The following TTC29 variants were observed in gnomAD, a reference collection of about 807,000 sequenced individuals.
TTC29 encodes the protein tetratricopeptide repeat domain 29, also known as tetratricopeptide repeat protein 29.
A neutral mutation model predicts 58.1 loss-of-function variants in TTC29; 49 were observed. The observed-to-expected ratio is 0.84, with a 90% CI of 0.67 to 1.07. The LOEUF (loss-of-function observed/expected upper bound fraction) is 1.07. Among genes scored for constraint, TTC29 ranks in the 50% least tolerant of loss-of-function variants. The probability of loss-of-function intolerance (pLI) is 0.00; values close to 1 mark genes in which losing one functional copy is unlikely to be tolerated. For missense variants in TTC29, 582 were observed against 555.6 expected, an observed-to-expected ratio of 1.05 and a Z score of -0.48; for synonymous variants, 209 against 196.8, an observed-to-expected ratio of 1.06 and a Z score of -0.52.
At chr4:146,783,302 T>G (rs376515385) in intron 11 of TTC29, among the ~76,000 whole-genome samples, 9 of 152,012 alleles carry the variant, frequency 5.9e-5, no homozygotes, top group African/African-American at 2.2e-4. Context: ...GTCTCTTGTT[T>G]AGCTTCCTAG....
intron 10 of TTC29, among the ~76,000 whole-genome samples, chr4:146,811,901 A>T (rs921951606): frequency 2.0e-5 from 3 of 152,182 alleles, no homozygotes; most frequent in Non-Finnish European, 4.4e-5. Context: ...TATTCAAATG[A>T]TTCATTTCAA....
intron 5 of TTC29, among the ~76,000 whole-genome samples, chr4:146,906,136 C>A (rs1229466423): frequency 1.3e-5 from 2 of 151,480 alleles, no homozygotes; most frequent in Non-Finnish European, 1.5e-5. Context: ...GATGGCACAG[C>A]AATGATTCAT....
chr4:146,753,295 G>A (rs1746164575), intron 11 of TTC29, among the ~76,000 whole-genome samples: 1 of 152,146 alleles, frequency 6.6e-6, no homozygotes, highest in Admixed American at 6.5e-5. Flanking sequence ...AAAAACACAT[G>A]AAAAAATGCT....
intron 11 of TTC29, among the ~76,000 whole-genome samples, chr4:146,757,239 A>T (rs1411561736): frequency 6.6e-6 from 1 of 151,428 alleles, no homozygotes; most frequent in Non-Finnish European, 1.5e-5. Flanking sequence ...CCCTTGATGT[A>T]GTACTCTCCC....
rs199560439 is a variant in TTC29 at position 146,707,553 on chromosome 4, T to TA, written c.1331-3dup. 3.4e-3 allele frequency: 4,746 copies of TA among 1,402,522 alleles called. 2 individuals are homozygous for TA. The highest frequency in any genetic ancestry group is 8.8e-3 in the African/African-American group (604 of 68,498). 86.9% of individuals were successfully genotyped at this position (1,402,522 alleles called of 1,614,324 possible). ...CCACTGTGGATCCTCTAAACTCTTC[T>TA]AAAAAAAAAATACACAAAGTTAATA... is the stretch of plus-strand genomic sequence containing the variant. On this transcript the variant is annotated splice_region_variant and splice_polypyrimidine_tract_variant and intron_variant, in intron 11 of 12. Coordinates refer to ENST00000325106, the MANE Select transcript of TTC29 (RefSeq NM_031956.4).
intron 10 of TTC29, among the ~76,000 whole-genome samples, chr4:146,805,997 A>G (rs111780210): frequency 0.062 from 9,502 of 152,270 alleles, 393 homozygotes; most frequent in Admixed American, 0.13. Context: ...AGGTCGGGTT[A>G]CCCACAAAGG....
intron 11 of TTC29, among the ~76,000 whole-genome samples, chr4:146,752,879 T>C (rs1273584138): frequency 6.6e-6 from 1 of 152,202 alleles, no homozygotes; most frequent in Admixed American, 6.5e-5. Context: ...ATCCCTTCCT[T>C]ATACCTTATA....
In TTC29 at chr4:146,908,434, C is replaced by T. The variant is rs565546834; in HGVS notation, c.400+592G>A. ...AAATATTTAATACTTGGAATGTATA[C>T]TAACTTTCTGGAAAATTTTGAAATA... On this transcript the variant is annotated intron_variant, in intron 5 of 12. Transcript: ENST00000325106. 2.0e-4 allele frequency among the ~76,000 whole-genome samples: 31 copies of T among 152,118 alleles called. 1 individual carries two copies. The South Asian group carries it at 5.4e-3, about 26-fold the overall frequency.
intron 8 of TTC29, among the ~76,000 whole-genome samples, chr4:146,864,757 G>T (rs1730459769): frequency 6.6e-6 from 1 of 151,984 alleles, no homozygotes; most frequent in Admixed American, 6.6e-5. Context: ...CTGCACATGT[G>T]GCTTCCTGTC....
intron 11 of TTC29, among the ~76,000 whole-genome samples, chr4:146,777,681 C>A (rs1014836736): frequency 2.0e-5 from 3 of 151,908 alleles, no homozygotes; most frequent in African/African-American, 7.3e-5. Flanking sequence ...GTATATGGTG[C>A]CTTTGAAATT....
chr4:146,874,820 C>T lies in TTC29; in HGVS notation c.695G>A (p.Ser232Asn), dbSNP rs1731150324. 1 of 1,613,142 alleles carries T rather than the reference C, an allele frequency of 6.2e-7. No homozygotes were observed. The highest frequency in any genetic ancestry group is 8.5e-7 in the Non-Finnish European group (1 of 1,179,594). Residue 232 changes from serine to asparagine, a missense_variant, in exon 7 of 13, where the codon AGT becomes AAT. Ser to Asn is a conservative substitution (Grantham distance 46). Coordinates refer to ENST00000325106, the MANE Select transcript of TTC29 (RefSeq NM_031956.4). ...GAGTAATCTGTAAGTCCTCAGGAGACTCTCACAGGCCAACAAGTTGAGAGA... is the reference window on the plus strand; with the variant it reads ...GAGTAATCTGTAAGTCCTCAGGAGATTCTCACAGGCCAACAAGTTGAGAGA... ...GRSLNLLACE[S>N]LLRTYRLLSD... is the part of the protein sequence containing the mutation.
At chr4:146,816,776 T>A (rs534868330) in intron 10 of TTC29, among the ~76,000 whole-genome samples, 122 of 152,166 alleles carry the variant, frequency 8.0e-4, no homozygotes, top group Non-Finnish European at 1.5e-3. Flanking sequence ...TTACTCTATA[T>A]CAGGAACTAA....
At chr4:146,730,463 T>C (rs1401336551) in intron 11 of TTC29, among the ~76,000 whole-genome samples, 2 of 152,202 alleles carry the variant, frequency 1.3e-5, no homozygotes, top group East Asian at 3.9e-4. Flanking sequence ...ATAGATAATA[T>C]TTAAGGTCAT....
At chr4:146,803,236 A>C (rs1035188609) in intron 11 of TTC29, among the ~76,000 whole-genome samples, 2 of 152,026 alleles carry the variant, frequency 1.3e-5, no homozygotes, top group African/African-American at 2.4e-5. Flanking sequence ...GTGATTTATC[A>C]GGTACACCAC....
At chr4:146,912,686 G>A (rs1733973840) in intron 4 of TTC29, among the ~76,000 whole-genome samples, 1 of 152,068 alleles carries the variant, frequency 6.6e-6, no homozygotes, top group Admixed American at 6.6e-5. Flanking sequence ...TCGAGTCTGT[G>A]AGTCAGAAAT....
intron 11 of TTC29, among the ~76,000 whole-genome samples, chr4:146,753,156 T>A (rs1047595469): frequency 5.3e-5 from 8 of 152,104 alleles, no homozygotes; most frequent in African/African-American, 1.4e-4. Context: ...TACTCATCTG[T>A]CAAAGGGCTA....
At chr4:146,845,482 T>C (rs1729104495) in intron 8 of TTC29, among the ~76,000 whole-genome samples, 1 of 152,300 alleles carries the variant, frequency 6.6e-6, no homozygotes, top group Admixed American at 6.5e-5. Flanking sequence ...ACAAATAATT[T>C]CATTATACCT....
intron 7 of TTC29, among the ~76,000 whole-genome samples, chr4:146,869,108 A>AC (rs1158960715): frequency 2.0e-5 from 3 of 151,782 alleles, no homozygotes; most frequent in East Asian, 1.9e-4. Context: ...AAAAAAAAAA[A>AC]AAAAAAAAAA....
chr4:146,883,083 T>C (rs1477365454), intron 6 of TTC29, among the ~76,000 whole-genome samples: 1 of 152,078 alleles, frequency 6.6e-6, no homozygotes, highest in East Asian at 1.9e-4. Flanking sequence ...ACATACTCAG[T>C]AGGTGGTGAA....
Sources: allele counts gnomAD v4.1 joint callset (sites outside exome capture counted in the v4.1 genomes callset), GRCh38; gene constraint gnomAD v4.1.1; transcripts MANE v1.5; gene names NCBI Gene and HGNC (gene_info 2026-07-23, HGNC 2026-07-21).